The following PAM16 variants were observed in gnomAD, a reference collection of about 807,000 sequenced individuals.
PAM16 encodes mitochondrial import inner membrane translocase subunit TIM16.
In PAM16, 11 loss-of-function variants were observed where a neutral mutation model predicts 17.9. The ratio of observed to expected loss-of-function variants is 0.62; its 90% CI spans 0.39 to 1.02. The LOEUF (loss-of-function observed/expected upper bound fraction) is 1.02, where lower values mean the gene tolerates loss of function less well. PAM16 is among the 50% of genes least tolerant of loss of function. The pLI, the probability that PAM16 is intolerant of heterozygous loss-of-function variation, is 0.01. For missense variants in PAM16, 199 were observed against 165.4 expected, an observed-to-expected ratio of 1.20 and a Z score of -1.11; for synonymous variants, 72 against 67.4, an observed-to-expected ratio of 1.07 and a Z score of -0.34.
At chr16:4,343,836 G>A (rs1401440346) in intron 1 of PAM16, 2 of 399,796 alleles carry the variant, frequency 5.0e-6, no homozygotes, top group Non-Finnish European at 8.8e-6. Flanking sequence ...CCATCTTCAA[G>A]GAGCTAAAAG....
At chr16:4,344,555 AGAGGAGGGGGTTCTGTGAGAGGAGGGGG>A (rs2053714678) in intron 1 of PAM16, among the ~76,000 whole-genome samples, 1 of 83,258 alleles carries the variant, frequency 1.2e-5, no homozygotes, top group Non-Finnish European at 2.3e-5. Flanking sequence ...GGGTTCCGTG[AGAGGAGGGGGTTCTGTGAGAGGAGGGGG>A]TTCCGTGAGA....
intron 2 of PAM16, 170 bp from the exon 3 acceptor site, chr16:4,341,674 T>C (rs2053649967): frequency 1.7e-6 from 2 of 1,178,398 alleles, no homozygotes; most frequent in Non-Finnish European, 2.3e-6. Context: ...GGGTAGAGGC[T>C]GGGAAAGTGA....
chr16:4,348,956 T>TC (rs2053802110), intron 1 of PAM16, among the ~76,000 whole-genome samples: 1 of 130,598 alleles, frequency 7.7e-6, no homozygotes, highest in Non-Finnish European at 1.6e-5. Flanking sequence ...GCACTTTCTT[T>TC]TTTTTTTTTT....
chr16:4,342,543 A>G (rs1007530835), intron 2 of PAM16, among the ~76,000 whole-genome samples: 5 of 150,600 alleles, frequency 3.3e-5, no homozygotes, highest in African/African-American at 1.2e-4. Flanking sequence ...AGTCCCAGCT[A>G]CTCAGGAGGC....
intron 1 of PAM16, chr16:4,346,070 C>G: frequency 5.9e-6 from 4 of 677,450 alleles, no homozygotes; most frequent in Non-Finnish European, 7.3e-6. Flanking sequence ...CGACCATCCC[C>G]TGCACACTTC....
At chr16:4,341,827 G>A (rs369625952) in intron 2 of PAM16, among the ~76,000 whole-genome samples, 5 of 152,136 alleles carry the variant, frequency 3.3e-5, no homozygotes, top group Non-Finnish European at 7.3e-5. Context: ...TTTAGGCTAC[G>A]ATGGAGACTG....
chr16:4,341,279 C>T, intron 3 of PAM16, 89 bp downstream of exon 3: 2 of 1,501,002 alleles, frequency 1.3e-6, no homozygotes, highest in Admixed American at 4.3e-5. Context: ...GCAGCCTCCA[C>T]ATCGGACCTC....
At chr16:4,342,106 T>G (rs1290210759) in intron 2 of PAM16, among the ~76,000 whole-genome samples, 2 of 152,126 alleles carry the variant, frequency 1.3e-5, no homozygotes, top group African/African-American at 4.8e-5. Flanking sequence ...ATCCCAGCAC[T>G]TTGGGAGGCC....
intron 1 of PAM16, 104 bp from the exon 2 acceptor site, chr16:4,343,395 G>T (rs2053681957): frequency 1.3e-6 from 2 of 1,498,780 alleles, no homozygotes; most frequent in East Asian, 2.5e-5. Flanking sequence ...GAGACCCGAG[G>T]TCATGAAGCA....
chr16:4,342,940 A>G (rs766685624), intron 2 of PAM16, among the ~76,000 whole-genome samples: 92 of 152,376 alleles, frequency 6.0e-4, no homozygotes, highest in Middle Eastern at 3.4e-3. Context: ...CCTGGGCGAC[A>G]GAGTGAGACT....
At chr16:4,343,932 C>T (rs562412323) in intron 1 of PAM16, 1 of 398,106 alleles carries the variant, frequency 2.5e-6, no homozygotes, top group Non-Finnish European at 4.4e-6. Flanking sequence ...TTGGTTCACC[C>T]ATTCATTCAA....
intron 2 of PAM16, among the ~76,000 whole-genome samples, chr16:4,342,107 T>C (rs2053657397): frequency 2.6e-5 from 4 of 152,138 alleles, no homozygotes; most frequent in African/African-American, 9.7e-5. Flanking sequence ...TCCCAGCACT[T>C]TGGGAGGCCA....
chr16:4,343,802 C>G (rs1255726533), intron 1 of PAM16: 3 of 401,016 alleles, frequency 7.5e-6, no homozygotes, highest in African/African-American at 6.2e-5. Flanking sequence ...TTCAATAAAA[C>G]AAACTTACTA....
At chr16:4,348,983 C>G (rs1414057630) in intron 1 of PAM16, among the ~76,000 whole-genome samples, 1 of 116,990 alleles carries the variant, frequency 8.5e-6, no homozygotes, top group Non-Finnish European at 1.7e-5. Flanking sequence ...GAGACGGAGT[C>G]TTGCTCTGTC....
chr16:4,345,904 G>A (rs775718111), intron 1 of PAM16: 27 of 985,000 alleles, frequency 2.7e-5, no homozygotes, highest in Non-Finnish European at 3.1e-5. Flanking sequence ...CTTGAAACAC[G>A]GCTCAGGTCT....
In PAM16 at chr16:4,340,413, G is replaced by A. The variant is rs369895956; in HGVS notation, c.292-8C>T. On this transcript the variant is annotated splice_polypyrimidine_tract_variant and splice_region_variant and intron_variant, in intron 4 of 4. Coordinates refer to ENST00000318059, the MANE Select transcript of PAM16 (RefSeq NM_016069.11). Reference sequence around the variant, plus strand: ...CTCCTTTGCGCGGACCACCTAGTGGGTCACGGATAATCAGGCCGGGAGGCC... The same window carrying A: ...CTCCTTTGCGCGGACCACCTAGTGGATCACGGATAATCAGGCCGGGAGGCC... 6.2e-7 allele frequency: 1 copy of A among 1,609,696 alleles called. No homozygotes were observed. Among genetic ancestry groups the A allele is most frequent in the Non-Finnish European group, 8.5e-7 (1 of 1,178,678 alleles).
At chr16:4,351,043 C>A in intron 1 of PAM16, 189 bp downstream of exon 1, 1 of 337,058 alleles carries the variant, frequency 3.0e-6, no homozygotes, top group Non-Finnish European at 5.3e-6. Flanking sequence ...TTTTCCCTGG[C>A]CCTGAGGCCG....
intron 1 of PAM16, chr16:4,350,834 G>A (rs1294645449): frequency 2.2e-5 from 4 of 178,222 alleles, no homozygotes. Context: ...TCCCAGGTCA[G>A]CCACTTCCCT....
chr16:4,340,838 G>T, intron 4 of PAM16, 82 bp downstream of exon 4: 1 of 1,550,186 alleles, frequency 6.5e-7, no homozygotes, highest in Non-Finnish European at 8.9e-7. Context: ...TAGCTGGCCA[G>T]CTCCCCCAAC....
Sources: gnomAD v4.1 joint callset for allele counts (sites outside exome capture counted in the v4.1 genomes callset) on GRCh38, gnomAD v4.1.1 for gene constraint, MANE v1.5 for transcripts, NCBI Gene and HGNC (gene_info 2026-07-23, HGNC 2026-07-21) for gene names.